Variants in GHR observed in about 807,000 individuals in gnomAD.
The protein encoded by GHR is growth hormone receptor.
GHR carries 35 observed loss-of-function variants against 67.1 expected under a neutral mutation model. The observed-to-expected ratio is 0.52, with a 90% CI of 0.40 to 0.69. The LOEUF is 0.69. Ranked by LOEUF, GHR falls within the 30% of genes least tolerant of loss-of-function variation. GHR has a pLI of 0.00. For synonymous variants in GHR, 272 were observed against 269.1 expected (o/e 1.01, Z -0.10); for missense variants, 792 against 764.6 (o/e 1.04, Z -0.42).
Position 42,580,727 on chromosome 5 carries a change from C to T in GHR, c.70+14783C>T, listed in dbSNP as rs1404053924. On this transcript the variant is annotated intron_variant, in intron 2 of 9. Transcript: ENST00000230882. ...ACCTCCTTCTCTAGTGTGTTTTTCT[C>T]AATCGGTTGGCATTTAACAGCAAGT... 2.0e-5 allele frequency among the ~76,000 whole-genome samples: 3 copies of T among 152,260 alleles called. No homozygotes were observed. The East Asian group carries it at 5.8e-4, about 29-fold the overall frequency.
At position 42,424,725 on chromosome 5, in the gene GHR, T is replaced by A; in HGVS notation, c.-12+770T>A. 1 of 991,200 alleles carries A rather than the reference T, an allele frequency of 1.0e-6. No homozygotes were observed. Among genetic ancestry groups the A allele is most frequent in the Non-Finnish European group, 1.5e-6 (1 of 649,490 alleles). 61.4% of individuals were successfully genotyped at this position (991,200 alleles called of 1,614,324 possible). On this transcript the variant is annotated intron_variant, in intron 1 of 9. Coordinates refer to ENST00000230882, the MANE Select transcript of GHR (RefSeq NM_000163.5). The surrounding 1 kb of genome is among the most constrained non-coding windows in gnomAD (Gnocchi z 4.1). The stretch of plus-strand genomic sequence containing the variant: ...CGGGTCAATGGGGTGGCCGCGTGTC[T>A]AGGGAGAGGGCGCTGGCGGCGCAGA...
intron 2 of GHR, among the ~76,000 whole-genome samples, chr5:42,611,078 C>T (rs1200283291): frequency 6.6e-6 from 1 of 152,078 alleles, no homozygotes; most frequent in African/African-American, 2.4e-5. Flanking sequence ...TTGATGAAGG[C>T]CCTTCACTAT....
intron 1 of GHR, among the ~76,000 whole-genome samples, chr5:42,555,375 C>T (rs917225055): frequency 6.6e-6 from 1 of 152,176 alleles, no homozygotes; most frequent in African/African-American, 2.4e-5. Context: ...ATGGTGTCTA[C>T]CTCTCTTTAT....
chr5:42,468,572 A>G lies in GHR; in HGVS notation c.-12+44617A>G, dbSNP rs928754203. 15 of 946,616 alleles carry G rather than the reference A, an allele frequency of 1.6e-5. No homozygotes were observed. In the East Asian group the frequency reaches 2.2e-4, roughly 14 times the overall value. The allele number at this position is 946,616 out of a possible 1,614,324, so 58.6% of individuals were successfully genotyped here. On this transcript the variant is annotated intron_variant, in intron 1 of 9. Coordinates refer to ENST00000230882, the MANE Select transcript of GHR (RefSeq NM_000163.5). ...CCTTATTCCTTCTTTCTTAAGCACCATGGACGGCTGCGTCTCCTCTTTCCT... is the reference window on the plus strand; with the variant it reads ...CCTTATTCCTTCTTTCTTAAGCACCGTGGACGGCTGCGTCTCCTCTTTCCT...
At chr5:42,622,327 G>C (rs972101025) in intron 2 of GHR, among the ~76,000 whole-genome samples, 1 of 152,206 alleles carries the variant, frequency 6.6e-6, no homozygotes, top group African/African-American at 2.4e-5. Flanking sequence ...CTCCTCATGA[G>C]TACCAATTGT....
chr5:42,591,848 T>G (rs1389443173), intron 2 of GHR, among the ~76,000 whole-genome samples: 1 of 152,150 alleles, frequency 6.6e-6, no homozygotes, highest in African/African-American at 2.4e-5. Flanking sequence ...TGCTGAGATA[T>G]GACTTATGAA....
Position 42,720,110 on chromosome 5 carries a change from CA to C in GHR, c.*689del, listed in dbSNP as rs1324228935. The C allele has an allele frequency of 1.3e-5, 2 of 152,488 alleles. No individual in the cohort carries two copies. The highest frequency in any genetic ancestry group is 4.8e-5 in the African/African-American group (2 of 41,422). 9.4% of individuals were successfully genotyped at this position (152,488 alleles called of 1,614,324 possible). A position where few individuals can be genotyped will look rare whatever the true frequency, so the allele number is the denominator to read the frequency against. ...TTTGGCCAATGCACCTAAAGAAAAA[CA>C]AACTCGTTTTTTACAAAGCCCTTTT... On this transcript the variant is annotated 3_prime_UTR_variant, in exon 10 of 10. Coordinates refer to ENST00000230882, the MANE Select transcript of GHR (RefSeq NM_000163.5).
chr5:42,533,242 C>A (rs1425560102), intron 1 of GHR, among the ~76,000 whole-genome samples: 1 of 152,056 alleles, frequency 6.6e-6, no homozygotes, highest in Non-Finnish European at 1.5e-5. Flanking sequence ...TTGCCTATTT[C>A]TCCTCTTCGT....
intron 1 of GHR, among the ~76,000 whole-genome samples, chr5:42,543,213 T>G (rs1748593198): frequency 6.6e-6 from 1 of 152,188 alleles, no homozygotes. Context: ...ATTTCCATAT[T>G]GTTTTCCATG....
intron 1 of GHR, chr5:42,468,783 G>C (rs970389211): frequency 6.4e-6 from 7 of 1,091,000 alleles, no homozygotes; most frequent in Admixed American, 5.8e-5. Flanking sequence ...TCAGCACCTC[G>C]AAGGGGTCCG....
chr5:42,656,553 T>C (rs1479571102), intron 3 of GHR, among the ~76,000 whole-genome samples: 1 of 152,150 alleles, frequency 6.6e-6, no homozygotes, highest in East Asian at 1.9e-4. Context: ...CTGCCTCTGA[T>C]GGCCAGAGAA....
chr5:42,640,300 C>T (rs1030414152), intron 3 of GHR, among the ~76,000 whole-genome samples: 1 of 152,090 alleles, frequency 6.6e-6, no homozygotes, highest in African/African-American at 2.4e-5. Context: ...GCTAATACCC[C>T]ACAAGCTTCA....
At chr5:42,693,833 G>T in intron 4 of GHR, among the ~76,000 whole-genome samples, 1 of 152,136 alleles carries the variant, frequency 6.6e-6, no homozygotes, top group East Asian at 1.9e-4. Context: ...AGATTACATG[G>T]TTTTATGTCC....
chr5:42,676,149 G>A (rs1370805370), intron 3 of GHR, among the ~76,000 whole-genome samples: 1 of 152,108 alleles, frequency 6.6e-6, no homozygotes, highest in Non-Finnish European at 1.5e-5. Context: ...CCTGGGCATG[G>A]TGGCACACGC....
intron 2 of GHR, among the ~76,000 whole-genome samples, chr5:42,604,414 G>C (rs1044137791): frequency 2.0e-5 from 3 of 152,172 alleles, no homozygotes; most frequent in Non-Finnish European, 2.9e-5. Flanking sequence ...CCAGGGAATG[G>C]GGCAGGACCT....
chr5:42,576,899 A>G (rs894403349), intron 2 of GHR, among the ~76,000 whole-genome samples: 4 of 152,238 alleles, frequency 2.6e-5, no homozygotes, highest in African/African-American at 9.6e-5. Context: ...TCAGAAAGCC[A>G]TCCATGAGAA....
At chr5:42,511,570 C>T (rs1025895883) in intron 1 of GHR, among the ~76,000 whole-genome samples, 4 of 152,042 alleles carry the variant, frequency 2.6e-5, no homozygotes, top group Non-Finnish European at 5.9e-5. Flanking sequence ...ACAAACAGTC[C>T]TCTGTTTTTT....
chr5:42,659,582 C>T (rs1755454965), intron 3 of GHR, among the ~76,000 whole-genome samples: 1 of 152,074 alleles, frequency 6.6e-6, no homozygotes, highest in Non-Finnish European at 1.5e-5. Flanking sequence ...AAGGACATAC[C>T]TGAGACTGGG....
At chr5:42,474,275 GAA>G (rs1561325312) in intron 1 of GHR, among the ~76,000 whole-genome samples, 21 of 107,516 alleles carry the variant, frequency 2.0e-4, no homozygotes, top group African/African-American at 6.8e-4. Context: ...AAGAAAGAAA[GAA>G]AGAAAGAAAA....
Sources: gnomAD v4.1 joint callset for allele counts (sites outside exome capture counted in the v4.1 genomes callset) on GRCh38, gnomAD v4.1.1 for gene constraint, Gnocchi (gnomAD v3.1) non-coding constraint, MANE v1.5 for transcripts, NCBI Gene and HGNC (gene_info 2026-07-23, HGNC 2026-07-21) for gene names.